AKAP19: variants seen among roughly 807,000 people sequenced by gnomAD.
AKAP19 encodes the protein A-kinase anchoring protein 19.
chr2:189,923,893 G>A, the AKAP19 span: 1 of 1,611,336 alleles, frequency 6.2e-7, no homozygotes, highest in Admixed American at 1.7e-5. Flanking sequence ...TTAAGAGGGA[G>A]CTGACCCAGA....
At chr2:189,983,440 G>A in the AKAP19 span, among the ~76,000 whole-genome samples, 2 of 152,188 alleles carry the variant, frequency 1.3e-5, no homozygotes, top group Non-Finnish European at 2.9e-5. Context: ...CTTTCAGCAG[G>A]GGTAGAGCTG....
the AKAP19 span, among the ~76,000 whole-genome samples, chr2:190,002,473 C>T: frequency 6.6e-6 from 1 of 152,126 alleles, no homozygotes; most frequent in Non-Finnish European, 1.5e-5. Flanking sequence ...AGCACACCAA[C>T]ATGGCACATG....
chr2:190,138,428 A>G, the AKAP19 span, among the ~76,000 whole-genome samples: 421 of 152,308 alleles, frequency 2.8e-3, 1 homozygote, highest in Middle Eastern at 0.01. Flanking sequence ...GTACTTCCCG[A>G]TACTCCTAGG....
At chr2:190,049,574 A>T in the AKAP19 span, among the ~76,000 whole-genome samples, 1 of 152,240 alleles carries the variant, frequency 6.6e-6, no homozygotes, top group Non-Finnish European at 1.5e-5. Context: ...GTTGTCATGT[A>T]AACTGCAGTA....
chr2:189,959,637 C>G, the AKAP19 span, among the ~76,000 whole-genome samples: 1 of 152,090 alleles, frequency 6.6e-6, no homozygotes, highest in South Asian at 2.1e-4. Context: ...ACATGTTGGC[C>G]ACCTGCAACT....
the AKAP19 span, among the ~76,000 whole-genome samples, chr2:190,104,955 C>G: frequency 6.6e-6 from 1 of 152,124 alleles, no homozygotes; most frequent in African/African-American, 2.4e-5. Context: ...TCATGCCAAT[C>G]AGAATGGCTA....
the AKAP19 span, among the ~76,000 whole-genome samples, chr2:190,013,221 C>T: frequency 6.6e-6 from 1 of 152,148 alleles, no homozygotes; most frequent in Non-Finnish European, 1.5e-5. Context: ...TAGAATTCAT[C>T]CATGAAGCCA....
chr2:189,988,749 A>C, the AKAP19 span, among the ~76,000 whole-genome samples: 1 of 152,076 alleles, frequency 6.6e-6, no homozygotes, highest in African/African-American at 2.4e-5. Flanking sequence ...TATATAATCT[A>C]TTTCCCCCTC....
the AKAP19 span, among the ~76,000 whole-genome samples, chr2:189,902,249 C>T: frequency 6.6e-6 from 1 of 151,880 alleles, no homozygotes; most frequent in Non-Finnish European, 1.5e-5. Context: ...GATTCTAAAT[C>T]TTGTTCTTAA....
At chr2:189,934,304 C>T in the AKAP19 span, among the ~76,000 whole-genome samples, 34 of 152,130 alleles carry the variant, frequency 2.2e-4, no homozygotes, top group African/African-American at 7.0e-4. Flanking sequence ...TTTCCATTTA[C>T]GTCATTTGTA....
At chr2:190,192,510 A>C in the AKAP19 span, among the ~76,000 whole-genome samples, 2 of 149,424 alleles carry the variant, frequency 1.3e-5, no homozygotes, top group African/African-American at 2.6e-5. Context: ...ATCTATATAT[A>C]TAAAACAAAT....
chr2:190,202,702 G>A, the AKAP19 span: 2 of 166,998 alleles, frequency 1.2e-5, no homozygotes, highest in African/African-American at 2.4e-5. Flanking sequence ...TCCTGGAAAG[G>A]GAAACATTTG....
the AKAP19 span, among the ~76,000 whole-genome samples, chr2:190,074,479 C>T: frequency 0.057 from 8,591 of 151,972 alleles, 538 homozygotes; most frequent in African/African-American, 0.15. Context: ...GGTGAAACCC[C>T]GTCTCTACTA....
At chr2:190,174,155 G>T in the AKAP19 span, among the ~76,000 whole-genome samples, 1 of 152,186 alleles carries the variant, frequency 6.6e-6, no homozygotes, top group South Asian at 2.1e-4. Flanking sequence ...GTAGGGACTA[G>T]CTGCATTAGG....
At chr2:190,059,950 C>T in the AKAP19 span, 3 of 1,159,704 alleles carry the variant, frequency 2.6e-6, no homozygotes, top group South Asian at 1.4e-5. Context: ...GGTAAGATAC[C>T]TTTGTCTAGC....
chr2:190,133,111 G>A, the AKAP19 span, among the ~76,000 whole-genome samples: 2 of 151,606 alleles, frequency 1.3e-5, no homozygotes, highest in South Asian at 4.2e-4. Flanking sequence ...GGTGGCGGGC[G>A]CCTGTAGTGC....
the AKAP19 span, chr2:190,203,400 G>T: frequency 6.0e-6 from 1 of 166,946 alleles, no homozygotes; most frequent in East Asian, 1.9e-4. Flanking sequence ...GTAAGACTTA[G>T]CTATGAAGTG....
the AKAP19 span, among the ~76,000 whole-genome samples, chr2:190,113,147 CT>C: frequency 2.0e-5 from 3 of 151,996 alleles, no homozygotes; most frequent in Admixed American, 2.0e-4. Flanking sequence ...GCTATTTTCA[CT>C]TTTTTGTGCA....
the AKAP19 span, among the ~76,000 whole-genome samples, chr2:190,069,642 C>G: frequency 6.6e-6 from 1 of 152,148 alleles, no homozygotes; most frequent in Non-Finnish European, 1.5e-5. Flanking sequence ...CCATAATTCA[C>G]AGAGGATTGG....
Sources: allele counts gnomAD v4.1 joint callset (sites outside exome capture counted in the v4.1 genomes callset), GRCh38; gene constraint gnomAD v4.1.1; transcripts MANE v1.5; gene names NCBI Gene and HGNC (gene_info 2026-07-23, HGNC 2026-07-21).